The following ARMC9 variants were observed in gnomAD, a reference collection of about 807,000 sequenced individuals.
ARMC9 encodes armadillo repeat containing 9, also known as lisH domain-containing protein ARMC9.
ARMC9 carries 94 observed loss-of-function variants against 107.0 expected under a neutral mutation model. The observed-to-expected ratio is 0.88, with a 90% CI of 0.74 to 1.04. ARMC9 has a LOEUF of 1.04. ARMC9 is among the 50% of genes least tolerant of loss of function. The pLI is 0.00. For synonymous variants in ARMC9, 380 were observed against 396.9 expected, an observed-to-expected ratio of 0.96 and a Z score of 0.51; for missense variants, 942 against 1,030.1, an observed-to-expected ratio of 0.91 and a Z score of 1.17.
intron 18 of ARMC9, chr2:231,295,886 G>A: frequency 4.6e-6 from 1 of 218,348 alleles, no homozygotes; most frequent in Non-Finnish European, 8.9e-6. Context: ...GCAGAATCTA[G>A]CATGATGCCT....
Position 231,288,537 on chromosome 2 carries a change from C to T in ARMC9, c.1627-2816C>T, listed in dbSNP as rs1486385173. 15 of 454,968 alleles carry T rather than the reference C, an allele frequency of 3.3e-5. 1 individual carries two copies. The highest frequency in any genetic ancestry group is 1.6e-4 in the South Asian group (10 of 61,284). 28.2% of individuals were successfully genotyped at this position (454,968 alleles called of 1,614,324 possible). A position where few individuals can be genotyped will look rare whatever the true frequency, so the allele number is the denominator to read the frequency against. On this transcript the variant is annotated intron_variant, in intron 17 of 24. Transcript: ENST00000611582. ...ACTGTGAAGCTGGAACGATAGAATG[C>T]GCTAGAGAGTTCAGTTGTTGAGTAA...
chr2:231,262,524 C>G, intron 12 of ARMC9, 126 bp downstream of exon 12: 1 of 925,860 alleles, frequency 1.1e-6, no homozygotes, highest in Non-Finnish European at 1.7e-6. Flanking sequence ...CAGCCTTGAG[C>G]TCATGAGGTT....
intron 19 of ARMC9, among the ~76,000 whole-genome samples, chr2:231,301,904 G>A (rs1013289678): frequency 1.1e-4 from 17 of 152,100 alleles, no homozygotes; most frequent in African/African-American, 3.9e-4. Context: ...ATTTGAACCC[G>A]GGAGGTGGAG....
At chr2:231,323,111 G>C (rs1020819328) in intron 19 of ARMC9, among the ~76,000 whole-genome samples, 1 of 152,038 alleles carries the variant, frequency 6.6e-6, no homozygotes, top group African/African-American at 2.4e-5. Context: ...AATGCTTGAG[G>C]CCAGGAGTTA....
At chr2:231,216,951 C>T (rs1338426368) in intron 5 of ARMC9, among the ~76,000 whole-genome samples, 158 bp downstream of exon 5, 1 of 152,112 alleles carries the variant, frequency 6.6e-6, no homozygotes, top group Non-Finnish European at 1.5e-5. Context: ...AGTCAGTCTC[C>T]TATTGGATGG....
chr2:231,302,820 A>T (rs530147239), intron 19 of ARMC9, among the ~76,000 whole-genome samples: 170 of 152,224 alleles, frequency 1.1e-3, no homozygotes, highest in African/African-American at 3.7e-3. Context: ...CCTGGCCAAC[A>T]TGGTGAAACC....
intron 7 of ARMC9, among the ~76,000 whole-genome samples, chr2:231,230,492 A>G (rs1005894515): frequency 1.3e-5 from 2 of 152,342 alleles, no homozygotes; most frequent in East Asian, 1.9e-4. Flanking sequence ...TGTTTGAGCT[A>G]TCACCCACGT....
chr2:231,367,110 A>G (rs376156718), intron 23 of ARMC9, among the ~76,000 whole-genome samples: 23,827 of 151,966 alleles, frequency 0.16, 4,413 homozygotes, highest in African/African-American at 0.45. Context: ...TCGGCCTCCC[A>G]AAGTGCTGGG....
rs774544817 is a variant in ARMC9, at chr2:231,259,056, T to G, written c.980T>G (p.Leu327Trp). 7.4e-6 allele frequency: 12 copies of G among 1,614,188 alleles called. No homozygotes were observed. The Admixed American group carries it at 2.0e-4, about 27-fold the overall frequency. The change falls in exon 11 of 25, where the codon TTG (leucine) becomes TGG (tryptophan). Residue 327 changes from leucine (L) to tryptophan (W), a missense_variant. Physicochemically the swap from Leu to Trp is moderately conservative, Grantham distance 61. Transcript: ENST00000611582. ...GAGAAACTGAAGAAGGATTTGATTTTGGGGAGTGACCGCTTGAAAGCCTTC... is the reference window on the plus strand; with the variant it reads ...GAGAAACTGAAGAAGGATTTGATTTGGGGGAGTGACCGCTTGAAAGCCTTC... The part of the protein sequence containing the change: ...DYEKLKKDLI[L>W]GSDRLKAFLL...
At chr2:231,355,534 G>A (rs933347325) in intron 21 of ARMC9, among the ~76,000 whole-genome samples, 27 of 152,268 alleles carry the variant, frequency 1.8e-4, no homozygotes, top group Non-Finnish European at 3.1e-4. Flanking sequence ...GTCGTAACAC[G>A]TAATTGTGTG....
At chr2:231,202,761 G>T (rs963396631) in intron 1 of ARMC9, among the ~76,000 whole-genome samples, 1 of 152,130 alleles carries the variant, frequency 6.6e-6, no homozygotes, top group Non-Finnish European at 1.5e-5. Flanking sequence ...AGAGAAACAC[G>T]AAGGGTGACT....
chr2:231,243,663 G>T (rs1379618091), intron 9 of ARMC9, among the ~76,000 whole-genome samples: 1 of 152,140 alleles, frequency 6.6e-6, no homozygotes, highest in Non-Finnish European at 1.5e-5. Flanking sequence ...TTAGGAACAC[G>T]CAATAAAAGC....
At chr2:231,293,374 C>A (rs1269595728) in intron 18 of ARMC9, among the ~76,000 whole-genome samples, 4 of 152,118 alleles carry the variant, frequency 2.6e-5, no homozygotes, top group Admixed American at 2.6e-4. Context: ...TCAGCTGTGC[C>A]CAGCCCTCCC....
At chr2:231,229,891 G>C (rs1228966761) in intron 7 of ARMC9, among the ~76,000 whole-genome samples, 1 of 152,142 alleles carries the variant, frequency 6.6e-6, no homozygotes, top group Non-Finnish European at 1.5e-5. Context: ...AAAAAGTACA[G>C]TGCCCTAAGT....
chr2:231,321,469 C>G (rs1222566583), intron 19 of ARMC9, among the ~76,000 whole-genome samples: 2 of 152,194 alleles, frequency 1.3e-5, no homozygotes, highest in African/African-American at 4.8e-5. Flanking sequence ...TAAGATTCAT[C>G]TAAACAGTAT....
intron 12 of ARMC9, among the ~76,000 whole-genome samples, chr2:231,268,936 G>A (rs554203291): frequency 2.6e-5 from 4 of 152,132 alleles, no homozygotes; most frequent in South Asian, 2.1e-4. Context: ...GCATGTTGGC[G>A]TGCACCTGTA....
At chr2:231,266,224 A>G (rs2038849151) in intron 12 of ARMC9, among the ~76,000 whole-genome samples, 1 of 152,142 alleles carries the variant, frequency 6.6e-6, no homozygotes, top group Non-Finnish European at 1.5e-5. Context: ...AAAACAGATC[A>G]CTGGGTCCCA....
Position 231,373,925 on chromosome 2 carries a change from C to T in ARMC9, c.*2390C>T, listed in dbSNP as rs2046117664. 6.6e-6 allele frequency: 1 copy of T among 151,828 alleles called. No individual in the cohort carries two copies. The highest frequency in any genetic ancestry group is 6.6e-5 in the Admixed American group (1 of 15,218). The allele number at this position is 151,828 out of a possible 1,614,324, so 9.4% of individuals were successfully genotyped here. On this transcript the variant is annotated 3_prime_UTR_variant, in exon 25 of 25. Transcript: ENST00000611582. This position sits in a 1 kb window ranked among gnomAD's most constrained non-coding sequence, Gnocchi z 4.4. Reference sequence around the variant, plus strand: ...AAAAAAAAAAAATACATTGAGATTACCAGGTGGGGTATGTGTGGTTCTTCC... The same window carrying T: ...AAAAAAAAAAAATACATTGAGATTATCAGGTGGGGTATGTGTGGTTCTTCC...
At chr2:231,209,986 ATTATT>A (rs2032589660) in intron 3 of ARMC9, among the ~76,000 whole-genome samples, 3 of 152,210 alleles carry the variant, frequency 2.0e-5, no homozygotes, top group African/African-American at 4.8e-5. Flanking sequence ...ACCTGGCCTT[ATTATT>A]TTAACAGATT....
Sources: allele counts gnomAD v4.1 joint callset (sites outside exome capture counted in the v4.1 genomes callset), GRCh38; gene constraint gnomAD v4.1.1; non-coding constraint Gnocchi (gnomAD v3.1); transcripts MANE v1.5; gene names NCBI Gene and HGNC (gene_info 2026-07-23, HGNC 2026-07-21).